SGCA: variants seen among roughly 807,000 people sequenced by gnomAD.
The protein encoded by SGCA is sarcoglycan alpha, also known as alpha-sarcoglycan.
A neutral mutation model predicts 38.1 loss-of-function variants in SGCA; 34 were observed. The observed-to-expected ratio is 0.89, with a 90% CI of 0.68 to 1.19. The LOEUF (loss-of-function observed/expected upper bound fraction) is 1.19, where lower values mean the gene tolerates loss of function less well. SGCA is among the 50% of genes most tolerant of loss of function. The probability of loss-of-function intolerance (pLI) is 0.00; values close to 1 mark genes in which losing one functional copy is unlikely to be tolerated. For missense variants in SGCA, 476 were observed against 524.9 expected, an observed-to-expected ratio of 0.91 and a Z score of 0.91; for synonymous variants, 209 against 214.6, an observed-to-expected ratio of 0.97 and a Z score of 0.23.
rs546959034 is a variant in SGCA at position 50,167,163 on chromosome 17, C to G, written c.38-205C>G. Among the ~76,000 whole-genome samples, 160 of 152,180 alleles carry G rather than the reference C, an allele frequency of 1.1e-3. No homozygotes were observed. Among genetic ancestry groups the G allele is most frequent in the Non-Finnish European group, 1.6e-3 (109 of 67,986 alleles). Reference sequence around the variant, plus strand: ...AAAGGTTGTGGGAGAGGTTCTCCCTCGAATCCCGAAACCCAGACGATTAAA... The same window carrying G: ...AAAGGTTGTGGGAGAGGTTCTCCCTGGAATCCCGAAACCCAGACGATTAAA... On this transcript the variant is annotated intron_variant, in intron 1 of 9. Coordinates refer to ENST00000262018, the MANE Select transcript of SGCA (RefSeq NM_000023.4). This position sits in a 1 kb window ranked among gnomAD's most constrained non-coding sequence, Gnocchi z 4.5.
intron 8 of SGCA, chr17:50,171,770 G>C: frequency 2.2e-6 from 1 of 456,776 alleles, no homozygotes; most frequent in Non-Finnish European, 4.4e-6. Flanking sequence ...GAAGTGATAG[G>C]CATTTCGGGC....
intron 4 of SGCA, among the ~76,000 whole-genome samples, 167 bp from the exon 5 acceptor site, chr17:50,168,207 C>T (rs975368238): frequency 3.9e-5 from 6 of 152,166 alleles, no homozygotes; most frequent in East Asian, 3.8e-4. Context: ...TTCTGTTACT[C>T]GCTGCGTTGC....
At position 50,168,005 on chromosome 17, in the gene SGCA, T is replaced by C. The variant is rs768814872; in HGVS notation, c.371T>C (p.Ile124Thr). The C allele has an allele frequency of 3.7e-5, 59 of 1,613,888 alleles. No individual in the cohort carries two copies. Among genetic ancestry groups the C allele is most frequent in the Admixed American group, 8.3e-5 (5 of 59,996 alleles). The change falls in exon 4 of 10, where the codon ATT (isoleucine) becomes ACT (threonine). Residue 124 changes from isoleucine (I) to threonine (T), a missense_variant. Ile to Thr is a moderately conservative substitution (Grantham distance 89). Coordinates refer to ENST00000262018, the MANE Select transcript of SGCA (RefSeq NM_000023.4). ...DTTRQRLVLE[I>T]GDPEGPLLPY... Reference sequence around the variant, plus strand: ...ACTCGGCAGAGGCTGGTGCTGGAGATTGGGGACCCAGAAGGTACCTCTAGC... The same window carrying C: ...ACTCGGCAGAGGCTGGTGCTGGAGACTGGGGACCCAGAAGGTACCTCTAGC...
rs1221014409 is a variant in SGCA at position 50,170,201 on chromosome 17, T to C, written c.806T>C (p.Leu269Pro). 6.2e-7 allele frequency: 1 copy of C among 1,614,056 alleles called. No individual in the cohort carries two copies. The highest frequency in any genetic ancestry group is 2.2e-5 in the East Asian group (1 of 44,894). The change falls in exon 7 of 10, where the codon CTG (leucine) becomes CCG (proline). Residue 269 changes from leucine (L) to proline (P), a missense_variant. Physicochemically the swap from Leu to Pro is moderately conservative, Grantham distance 98. Transcript: ENST00000262018. ...GTGCCCACCCCAGGTGATGGGATCCTGGAGCATGACCCGTTCTTCTGCCCA... is the reference window on the plus strand; with the variant it reads ...GTGCCCACCCCAGGTGATGGGATCCCGGAGCATGACCCGTTCTTCTGCCCA... Reference protein sequence around the residue: ...DEVPTPGDGILEHDPFFCPPT... With the variant: ...DEVPTPGDGIPEHDPFFCPPT...
chr17:50,172,205 C>T (rs775973119), intron 8 of SGCA: 66 of 456,940 alleles, frequency 1.4e-4, no homozygotes, highest in Admixed American at 2.6e-4. Flanking sequence ...GGATCAAGGA[C>T]GGTCACCCAC....
intron 5 of SGCA, 112 bp from the exon 6 acceptor site, chr17:50,168,980 C>G: frequency 1.0e-6 from 1 of 991,674 alleles, no homozygotes; most frequent in Non-Finnish European, 1.6e-6. Context: ...TCTCCCTCAT[C>G]CCATCCCCAG....
At chr17:50,169,022 A>G in intron 5 of SGCA, 70 bp from the exon 6 acceptor site, 1 of 1,453,196 alleles carries the variant, frequency 6.9e-7, no homozygotes, top group Non-Finnish European at 9.6e-7. Flanking sequence ...AGTTTCAACA[A>G]CCCCTGGCAG....
rs1904971959 is a variant in SGCA at position 50,167,297 on chromosome 17, G to C, written c.38-71G>C. 3.1e-6 allele frequency: 5 copies of C among 1,606,918 alleles called. No individual in the cohort carries two copies. Among genetic ancestry groups the C allele is most frequent in the Non-Finnish European group, 3.4e-6 (4 of 1,175,894 alleles). ...CCTTAGGGGCTCCAAGGACTTGGTG[G>C]GGAAGGGAGCTTATCCCCTGCCCAG... On this transcript the variant is annotated intron_variant, in intron 1 of 9. Coordinates refer to ENST00000262018, the MANE Select transcript of SGCA (RefSeq NM_000023.4). This position sits in a 1 kb window ranked among gnomAD's most constrained non-coding sequence, Gnocchi z 4.5.
At chr17:50,172,567 G>A in intron 8 of SGCA, 1 of 290,606 alleles carries the variant, frequency 3.4e-6, no homozygotes, top group Admixed American at 4.4e-5. Context: ...TGCAACCTCA[G>A]ACTCCCTGGG....
chr17:50,168,786 G>A (rs1905141974), intron 5 of SGCA, among the ~76,000 whole-genome samples: 1 of 151,750 alleles, frequency 6.6e-6, no homozygotes, highest in Non-Finnish European at 1.5e-5. Flanking sequence ...GTACTTCCTG[G>A]TGCCTCATGA....
At chr17:50,174,527 A>G (rs1905762506) in intron 8 of SGCA, among the ~76,000 whole-genome samples, 1 of 151,500 alleles carries the variant, frequency 6.6e-6, no homozygotes, top group Non-Finnish European at 1.5e-5. Flanking sequence ...TTTTTTTTTA[A>G]ATAGAGATGG....
chr17:50,170,267 T>C lies in SGCA; in HGVS notation c.872T>C (p.Leu291Pro). 4 of 1,614,224 alleles carry C rather than the reference T, an allele frequency of 2.5e-6. No homozygotes were observed. The highest frequency in any genetic ancestry group is 2.2e-5 in the East Asian group (1 of 44,880). Residue 291 changes from leucine (L) to proline (P), a missense_variant, in exon 7 of 10, where the codon CTG becomes CCG. Transcript: ENST00000262018. ...GACCGTGACTTCTTGGTGGATGCTCTGGTCACCCTCCTGGTGCCCCTGCTG... is the reference window on the plus strand; with the variant it reads ...GACCGTGACTTCTTGGTGGATGCTCCGGTCACCCTCCTGGTGCCCCTGCTG... The part of the protein sequence containing the change: ...APDRDFLVDA[L>P]VTLLVPLLVA...
rs1905099052 is a variant in SGCA at position 50,168,356 on chromosome 17, T to A, written c.386-18T>A. 6.4e-7 allele frequency: 1 copy of A among 1,556,036 alleles called. No individual in the cohort carries two copies. ...CTGGGGCTGGGTGCAGCCTGAGGTG[T>A]CCACCTGGCCTTCCCAGGCCCCCTG... On this transcript the variant is annotated intron_variant, in intron 4 of 9. Coordinates refer to ENST00000262018, the MANE Select transcript of SGCA (RefSeq NM_000023.4).
intron 8 of SGCA, among the ~76,000 whole-genome samples, chr17:50,174,495 T>A (rs1392402420): frequency 6.7e-6 from 1 of 150,232 alleles, no homozygotes; most frequent in Non-Finnish European, 1.5e-5. Context: ...TTCACAGCAG[T>A]CCTAGGAGGT....
intron 6 of SGCA, 153 bp downstream of exon 6, chr17:50,169,407 C>G (rs1420833662): frequency 1.5e-5 from 7 of 457,050 alleles, no homozygotes; most frequent in Admixed American, 8.4e-5. Context: ...CAGGCTTAGT[C>G]TGAGGATACA....
At chr17:50,172,585 G>A (rs1390972751) in intron 8 of SGCA, among the ~76,000 whole-genome samples, 2 of 152,158 alleles carry the variant, frequency 1.3e-5, no homozygotes, top group African/African-American at 4.8e-5. Flanking sequence ...GGGCTCAAGC[G>A]ATCCTCCCAT....
intron 6 of SGCA, 78 bp from the exon 7 acceptor site, chr17:50,170,065 C>A: frequency 8.0e-7 from 1 of 1,255,772 alleles, no homozygotes; most frequent in Non-Finnish European, 1.1e-6. Flanking sequence ...GCCTCCTAGT[C>A]CTGGCCCCTG....
rs1487587376 is a variant in SGCA at position 50,169,048 on chromosome 17, C to T, written c.585-44C>T. ...CCCCTGGCAGAGTGGTGCCTCGTGCCCCCTGCCCCCACTCTGCTGACAGTG... is the reference window on the plus strand; with the variant it reads ...CCCCTGGCAGAGTGGTGCCTCGTGCTCCCTGCCCCCACTCTGCTGACAGTG... On this transcript the variant is annotated intron_variant, in intron 5 of 9. Coordinates refer to ENST00000262018, the MANE Select transcript of SGCA (RefSeq NM_000023.4). 3 of 1,594,202 alleles carry T rather than the reference C, an allele frequency of 1.9e-6. No homozygotes were observed. In the African/African-American group the frequency reaches 4.0e-5, roughly 21 times the overall value.
At position 50,175,849 on chromosome 17, in the gene SGCA, T is replaced by A. The variant is rs934721276; in HGVS notation, c.*150T>A. Reference sequence around the variant, plus strand: ...AGCAGGGAGAGGGGGTGGGGTGGGGTGAGAGTGTGTGGAGTAAGGACATTC... The same window carrying A: ...AGCAGGGAGAGGGGGTGGGGTGGGGAGAGAGTGTGTGGAGTAAGGACATTC... On this transcript the variant is annotated 3_prime_UTR_variant, in exon 10 of 10. Transcript: ENST00000262018. 1.7e-5 allele frequency: 8 copies of A among 471,440 alleles called. No individual in the cohort carries two copies. The highest frequency in any genetic ancestry group is 7.0e-5 in the Admixed American group (3 of 42,878). 29.2% of individuals were successfully genotyped at this position (471,440 alleles called of 1,614,324 possible). A position where few individuals can be genotyped will look rare whatever the true frequency, so the allele number is the denominator to read the frequency against.
Sources: allele counts gnomAD v4.1 joint callset (sites outside exome capture counted in the v4.1 genomes callset), GRCh38; gene constraint gnomAD v4.1.1; non-coding constraint Gnocchi (gnomAD v3.1); transcripts MANE v1.5; gene names NCBI Gene and HGNC (gene_info 2026-07-23, HGNC 2026-07-21).